GALNT15: variants seen among roughly 807,000 people sequenced by gnomAD.
GALNT15 encodes UDP-GalNAc transferase T15.
A neutral mutation model predicts 66.8 loss-of-function variants in GALNT15; 67 were observed. The ratio of observed to expected loss-of-function variants is 1.00; its 90% confidence interval spans 0.82 to 1.23. GALNT15 has a LOEUF of 1.23. GALNT15 is among the 50% of genes most tolerant of loss of function. The pLI is 0.00. For synonymous variants in GALNT15, 313 were observed against 311.5 expected (o/e 1.00, Z -0.05); for missense variants, 827 against 804.3 (o/e 1.03, Z -0.34).
At position 16,180,472 on chromosome 3, in the gene GALNT15, G is replaced by A. The variant is rs980407779; in HGVS notation, c.539+4782G>A. On this transcript the variant is annotated intron_variant, in intron 1 of 9. Coordinates refer to ENST00000339732, the MANE Select transcript of GALNT15 (RefSeq NM_054110.5). This position sits in a 1 kb window ranked among gnomAD's most constrained non-coding sequence, Gnocchi z 5.0. ...TTTCAACAGTGAGGAGTTACACCAC[G>A]ACTTCCCAAAAGTATGTGCACACCC... 7.2e-5 allele frequency among the ~76,000 whole-genome samples: 11 copies of A among 152,150 alleles called. No individual in the cohort carries two copies. The highest frequency in any genetic ancestry group is 2.4e-4 in the African/African-American group (10 of 41,416).
intron 6 of GALNT15, among the ~76,000 whole-genome samples, chr3:16,213,530 C>T (rs1318694245): frequency 6.6e-6 from 1 of 150,638 alleles, no homozygotes; most frequent in East Asian, 2.0e-4. Flanking sequence ...TGTCCACAAA[C>T]AGCACATTAT....
intron 2 of GALNT15, among the ~76,000 whole-genome samples, chr3:16,197,631 A>G (rs2063653154): frequency 3.3e-5 from 5 of 152,214 alleles, no homozygotes; most frequent in Admixed American, 3.3e-4. Context: ...GCCGATGGTC[A>G]TGACAGCATA....
chr3:16,208,196 CAAAATA>C (rs532133153), intron 3 of GALNT15, among the ~76,000 whole-genome samples: 5 of 152,190 alleles, frequency 3.3e-5, no homozygotes, highest in African/African-American at 1.2e-4. Context: ...AGTCACATTA[CAAAATA>C]AAAATAAACA....
rs773632113 is a variant in GALNT15 at position 16,224,364 on chromosome 3, T to C, written c.1773+1606T>C. Among the ~76,000 whole-genome samples the C allele has an allele frequency of 2.6e-5, 4 of 152,168 alleles. No homozygotes were observed. The highest frequency in any genetic ancestry group is 5.9e-5 in the Non-Finnish European group (4 of 68,030). On this transcript the variant is annotated intron_variant, in intron 9 of 9. Transcript: ENST00000339732. The surrounding 1 kb of genome is among the most constrained non-coding windows in gnomAD (Gnocchi z 5.2). ...GAAAATCCCATCACCTGCTACAACA[T>C]GGGCATATCTTGAGGACATTATGCT...
chr3:16,199,430 A>C (rs2063675795), intron 2 of GALNT15, among the ~76,000 whole-genome samples: 1 of 141,758 alleles, frequency 7.1e-6, no homozygotes, highest in South Asian at 2.2e-4. Flanking sequence ...TATCAACTGC[A>C]ATGAGATCTC....
At chr3:16,246,909 G>T in the GALNT15 span, among the ~76,000 whole-genome samples, 2 of 152,270 alleles carry the variant, frequency 1.3e-5, no homozygotes, top group South Asian at 4.1e-4. Flanking sequence ...ATTTTTCTGA[G>T]AAAGTTAGAG....
downstream of GALNT15, chr3:16,231,794 A>G (rs1475633212): frequency 1.3e-6 from 2 of 1,535,452 alleles, no homozygotes; most frequent in Admixed American, 2.0e-5. This position sits in a 1 kb window ranked among gnomAD's most constrained non-coding sequence, Gnocchi z 4.1. Context: ...CTCTCTCAGG[A>G]TGAGAACAGG....
In GALNT15 at chr3:16,175,696, TAA is replaced by T; in HGVS notation, c.539+7_539+8del. On this transcript the variant is annotated splice_region_variant and intron_variant, in intron 1 of 9. Transcript: ENST00000339732. This position sits in a 1 kb window ranked among gnomAD's most constrained non-coding sequence, Gnocchi z 5.6. ...CCCGAGGTGCGGCACCCACTGTAAG[TAA>T]GGCCCTTGTTTTCCCTTCCCTGATC... The T allele has an allele frequency of 6.4e-7, 1 of 1,559,036 alleles. No homozygotes were observed. Among genetic ancestry groups the T allele is most frequent in the Non-Finnish European group, 8.7e-7 (1 of 1,153,248 alleles).
rs2063792223 is a variant in GALNT15, at chr3:16,209,649, C to G, written c.1079+979C>G. On this transcript the variant is annotated intron_variant, in intron 4 of 9. Coordinates refer to ENST00000339732, the MANE Select transcript of GALNT15 (RefSeq NM_054110.5). The surrounding 1 kb of genome is among the most constrained non-coding windows in gnomAD (Gnocchi z 4.1). Reference sequence around the variant, plus strand: ...CCTGGCCATCATGGCGAAACCCCATCTCTACTAAAATTACAAAAAAAAATT... The same window carrying G: ...CCTGGCCATCATGGCGAAACCCCATGTCTACTAAAATTACAAAAAAAAATT... Among the ~76,000 whole-genome samples the G allele has an allele frequency of 6.6e-6, 1 of 152,080 alleles. No individual in the cohort carries two copies. Among genetic ancestry groups the G allele is most frequent in the Non-Finnish European group, 1.5e-5 (1 of 68,024 alleles).
intron 9 of GALNT15, 100 bp downstream of exon 9, chr3:16,222,858 G>A: frequency 7.4e-7 from 1 of 1,345,606 alleles, no homozygotes; most frequent in Non-Finnish European, 1.0e-6. Context: ...CAGGTATTAG[G>A]GACCTCTGCC....
At chr3:16,237,636 T>C in the GALNT15 span, among the ~76,000 whole-genome samples, 2 of 152,224 alleles carry the variant, frequency 1.3e-5, no homozygotes, top group Admixed American at 1.3e-4. This position sits in a 1 kb window ranked among gnomAD's most constrained non-coding sequence, Gnocchi z 4.2. Context: ...TTGACTTTTA[T>C]CTTAGAGATA....
downstream of GALNT15, among the ~76,000 whole-genome samples, chr3:16,236,103 T>TTAAAAAAAAAAAAAA: frequency 5.3e-4 from 1 of 1,874 alleles, no homozygotes; most frequent in African/African-American, 1.1e-3. Flanking sequence ...AGACTATGTC[T>TTAAAAAAAAAAAAAA]CAAAAAAAAA....
rs749111050 is a variant in GALNT15, at chr3:16,181,491, G to A, written c.539+5801G>A. On this transcript the variant is annotated intron_variant, in intron 1 of 9. Coordinates refer to ENST00000339732, the MANE Select transcript of GALNT15 (RefSeq NM_054110.5). The surrounding 1 kb of genome is among the most constrained non-coding windows in gnomAD (Gnocchi z 5.9). Reference sequence around the variant, plus strand: ...AGGGAAGGGCAGGGGCGGGAGAGTCGCCTTGGCTGCAGCTTTGTTGTCAAG... The same window carrying A: ...AGGGAAGGGCAGGGGCGGGAGAGTCACCTTGGCTGCAGCTTTGTTGTCAAG... 9.9e-5 allele frequency among the ~76,000 whole-genome samples: 15 copies of A among 151,962 alleles called. No individual in the cohort carries two copies. The highest frequency in any genetic ancestry group is 6.6e-4 in the Admixed American group (10 of 15,258).
Position 16,195,831 on chromosome 3 carries a change from G to C in GALNT15, c.611G>C (p.Trp204Ser), listed in dbSNP as rs1258151049. 6.2e-7 allele frequency: 1 copy of C among 1,614,056 alleles called. No homozygotes were observed. The highest frequency in any genetic ancestry group is 8.5e-7 in the Non-Finnish European group (1 of 1,179,986). Reference sequence around the variant, plus strand: ...ATCCTCTGTTTCCATGATGAGGCCTGGTCCACTCTCCTGCGGACTGTACAC... The same window carrying C: ...ATCCTCTGTTTCCATGATGAGGCCTCGTCCACTCTCCTGCGGACTGTACAC... ...SVILCFHDEA[W>S]STLLRTVHSI... The change falls in exon 2 of 10, where the codon TGG becomes TCG. Residue 204 changes from tryptophan (W) to serine (S), a missense_variant. Transcript: ENST00000339732. This position sits in a 1 kb window ranked among gnomAD's most constrained non-coding sequence, Gnocchi z 4.6.
At chr3:16,210,463 T>C (rs1464556020) in intron 4 of GALNT15, among the ~76,000 whole-genome samples, 5 of 152,218 alleles carry the variant, frequency 3.3e-5, no homozygotes, top group African/African-American at 1.2e-4. Context: ...TTGGCTGCAT[T>C]CAAATTTGTT....
Position 16,181,310 on chromosome 3 carries a change from G to A in GALNT15, c.539+5620G>A, listed in dbSNP as rs147694295. ...GTCTGGGGTGAGGCCTGGGCACCAA[G>A]AGCTTAAAACTCCCCAGGTGGTTCT... On this transcript the variant is annotated intron_variant, in intron 1 of 9. Coordinates refer to ENST00000339732, the MANE Select transcript of GALNT15 (RefSeq NM_054110.5). This position sits in a 1 kb window ranked among gnomAD's most constrained non-coding sequence, Gnocchi z 5.9. Among the ~76,000 whole-genome samples the A allele has an allele frequency of 3.2e-4, 49 of 152,244 alleles. 1 individual carries two copies. In the South Asian group the frequency reaches 7.5e-3, roughly 23 times the overall value.
chr3:16,183,639 G>T lies in GALNT15; in HGVS notation c.539+7949G>T, dbSNP rs765919321. On this transcript the variant is annotated intron_variant, in intron 1 of 9. Coordinates refer to ENST00000339732, the MANE Select transcript of GALNT15 (RefSeq NM_054110.5). The surrounding 1 kb of genome is among the most constrained non-coding windows in gnomAD (Gnocchi z 5.2). ...CTGGGGGATGCAGACAAGCAAACAG[G>T]CTGGTACATCAGTGGGATCAGGGCT... Among the ~76,000 whole-genome samples, 10 of 152,322 alleles carry T rather than the reference G, an allele frequency of 6.6e-5. No individual in the cohort carries two copies. Among genetic ancestry groups the T allele is most frequent in the Middle Eastern group, 6.8e-3 (2 of 294 alleles).
rs1435103618 is a variant in GALNT15, at chr3:16,219,900, C to T, written c.1525-10C>T. ...CTGGAATTCACTCCTGTGTGTGTGT[C>T]CACTTTCAGCTCCACAACACTGGAC... On this transcript the variant is annotated splice_polypyrimidine_tract_variant and intron_variant, in intron 7 of 9. Transcript: ENST00000339732. The surrounding 1 kb of genome is among the most constrained non-coding windows in gnomAD (Gnocchi z 4.3). 1 of 1,605,974 alleles carries T rather than the reference C, an allele frequency of 6.2e-7. No individual in the cohort carries two copies. Among genetic ancestry groups the T allele is most frequent in the Non-Finnish European group, 8.5e-7 (1 of 1,172,714 alleles).
chr3:16,214,291 C>T (rs748365565), intron 6 of GALNT15, among the ~76,000 whole-genome samples: 1 of 152,158 alleles, frequency 6.6e-6, no homozygotes, highest in South Asian at 2.1e-4. Flanking sequence ...CTCTAGACAC[C>T]GATCTAGAAG....
Sources: gnomAD v4.1 joint callset for allele counts (sites outside exome capture counted in the v4.1 genomes callset) on GRCh38, gnomAD v4.1.1 for gene constraint, Gnocchi (gnomAD v3.1) non-coding constraint, MANE v1.5 for transcripts, NCBI Gene and HGNC (gene_info 2026-07-23, HGNC 2026-07-21) for gene names.